The following DIAPH3 variants were observed in gnomAD, a reference collection of about 807,000 sequenced individuals.
DIAPH3 encodes the protein protein diaphanous homolog 3.
Under a neutral mutation model 144.3 loss-of-function variants are expected in DIAPH3, and 117 were observed. That is an observed-to-expected ratio of 0.81 (90% CI 0.70 to 0.95). DIAPH3 has a LOEUF of 0.95. Among genes scored for constraint, DIAPH3 ranks in the 40% least tolerant of loss-of-function variants. The pLI is 0.00. For missense variants in DIAPH3, 1,421 were observed against 1,412.7 expected (o/e 1.01, Z -0.09); for synonymous variants, 519 against 488.9 (o/e 1.06, Z -0.81).
intron 27 of DIAPH3, among the ~76,000 whole-genome samples, chr13:59,754,501 A>T (rs1467675151): frequency 6.6e-6 from 1 of 152,170 alleles, no homozygotes; most frequent in African/African-American, 2.4e-5. Context: ...ACCATTTAGC[A>T]GTAACCAACT....
In DIAPH3 at chr13:60,032,761, C is replaced by T. The variant is rs548089470; in HGVS notation, c.626+9929G>A. Reference sequence around the variant, plus strand: ...CATCGTCTTAGACATTAACTCTTGGCTCCTTTTTAGTTATGCAAATTTGTC... The same window carrying T: ...CATCGTCTTAGACATTAACTCTTGGTTCCTTTTTAGTTATGCAAATTTGTC... On this transcript the variant is annotated intron_variant, in intron 5 of 27. Transcript: ENST00000400324. 6.6e-5 allele frequency among the ~76,000 whole-genome samples: 10 copies of T among 152,358 alleles called. No homozygotes were observed. The South Asian group carries it at 8.3e-4, about 13-fold the overall frequency.
At chr13:59,803,179 CAG>C (rs1434309628) in intron 25 of DIAPH3, among the ~76,000 whole-genome samples, 1 of 152,118 alleles carries the variant, frequency 6.6e-6, no homozygotes, top group Non-Finnish European at 1.5e-5. Flanking sequence ...ATCAAAGTTA[CAG>C]AGTTTTCCAC....
chr13:60,079,853 C>T (rs2057493786), intron 4 of DIAPH3, among the ~76,000 whole-genome samples: 2 of 151,798 alleles, frequency 1.3e-5, no homozygotes, highest in South Asian at 4.1e-4. Context: ...ATTTAAGAAG[C>T]CTTCAACTGT....
intron 17 of DIAPH3, 69 bp from the exon 18 acceptor site, chr13:59,924,939 C>T: frequency 6.5e-7 from 1 of 1,530,830 alleles, no homozygotes; most frequent in Non-Finnish European, 8.8e-7. Context: ...AAAAAGTGAA[C>T]TTTTTATCAT....
At chr13:60,160,369 C>T (rs182380955) in intron 1 of DIAPH3, among the ~76,000 whole-genome samples, 2 of 152,332 alleles carry the variant, frequency 1.3e-5, no homozygotes, top group East Asian at 3.9e-4. Context: ...AGAGGACTCT[C>T]CTAATTAAAA....
At chr13:59,736,791 A>T (rs1053649670) in intron 27 of DIAPH3, among the ~76,000 whole-genome samples, 2 of 152,194 alleles carry the variant, frequency 1.3e-5, no homozygotes, top group African/African-American at 4.8e-5. Flanking sequence ...AAAACTGCAT[A>T]GTACTGGTAC....
intron 4 of DIAPH3, among the ~76,000 whole-genome samples, chr13:60,043,416 C>T (rs1436202340): frequency 6.6e-6 from 1 of 152,118 alleles, no homozygotes; most frequent in East Asian, 1.9e-4. Flanking sequence ...CAAAACAGGG[C>T]TACATCTTCC....
chr13:60,001,790 T>C (rs1195281027), intron 9 of DIAPH3, among the ~76,000 whole-genome samples: 2 of 152,208 alleles, frequency 1.3e-5, no homozygotes, highest in Non-Finnish European at 2.9e-5. Flanking sequence ...CTTAGGCAAC[T>C]ATGGAGTTCT....
chr13:59,799,161 T>C (rs2039764009), intron 25 of DIAPH3, among the ~76,000 whole-genome samples: 1 of 151,980 alleles, frequency 6.6e-6, no homozygotes, highest in Admixed American at 6.5e-5. Flanking sequence ...GGCAAACCAG[T>C]GATCACCTTT....
chr13:60,105,116 A>C (rs1040516825), intron 3 of DIAPH3, among the ~76,000 whole-genome samples: 1 of 150,834 alleles, frequency 6.6e-6, no homozygotes, highest in Non-Finnish European at 1.5e-5. Context: ...AAAAAAAAAA[A>C]AAAAAAAAAC....
At chr13:60,094,989 T>C (rs1203463896) in intron 3 of DIAPH3, among the ~76,000 whole-genome samples, 1 of 152,176 alleles carries the variant, frequency 6.6e-6, no homozygotes, top group Non-Finnish European at 1.5e-5. Context: ...TAGGCCTTAA[T>C]ATGACATAGG....
In DIAPH3 at chr13:59,841,808, T is replaced by C. The variant is rs551917005; in HGVS notation, c.2738-2360A>G. 3.9e-5 allele frequency among the ~76,000 whole-genome samples: 6 copies of C among 152,310 alleles called. No individual in the cohort carries two copies. In the East Asian group the frequency reaches 1.2e-3, roughly 29 times the overall value. On this transcript the variant is annotated intron_variant, in intron 22 of 27. Transcript: ENST00000400324. ...GTCAGGTACCGTCTTAAGTGTTTTC[T>C]ATTAATTAACTCATGCAATCCTCAC...
intron 9 of DIAPH3, among the ~76,000 whole-genome samples, chr13:59,994,927 C>T (rs1018540072): frequency 6.6e-6 from 1 of 151,604 alleles, no homozygotes; most frequent in African/African-American, 2.4e-5. Context: ...ATAACAGAGG[C>T]AATAGATTCA....
At chr13:59,772,728 A>G (rs909512298) in intron 27 of DIAPH3, among the ~76,000 whole-genome samples, 2 of 152,048 alleles carry the variant, frequency 1.3e-5, no homozygotes, top group South Asian at 2.1e-4. Context: ...GTAGGATGGT[A>G]TATGCATATC....
At chr13:59,894,693 G>T (rs1303218213) in intron 20 of DIAPH3, among the ~76,000 whole-genome samples, 1 of 151,316 alleles carries the variant, frequency 6.6e-6, no homozygotes, top group Non-Finnish European at 1.5e-5. Context: ...TTAAAAATAT[G>T]AAATGTTTTT....
At chr13:60,062,862 TG>T (rs2056824938) in intron 4 of DIAPH3, among the ~76,000 whole-genome samples, 1 of 152,208 alleles carries the variant, frequency 6.6e-6, no homozygotes, top group Admixed American at 6.5e-5. Flanking sequence ...AACGATCATC[TG>T]AGCCTTCAGC....
At chr13:59,943,401 AACACAGAC>A (rs1566551013) in intron 17 of DIAPH3, among the ~76,000 whole-genome samples, 1 of 152,212 alleles carries the variant, frequency 6.6e-6, no homozygotes, top group Non-Finnish European at 1.5e-5. Flanking sequence ...GGGAAGGACG[AACACAGAC>A]ACACAGGACC....
At chr13:59,909,270 T>C (rs1294725572) in intron 20 of DIAPH3, among the ~76,000 whole-genome samples, 2 of 151,976 alleles carry the variant, frequency 1.3e-5, no homozygotes, top group African/African-American at 4.8e-5. Context: ...TTAGCAAAGG[T>C]TTTTAATCTA....
intron 25 of DIAPH3, among the ~76,000 whole-genome samples, chr13:59,779,469 G>A (rs2038613662): frequency 6.6e-6 from 1 of 151,638 alleles, no homozygotes; most frequent in Admixed American, 6.6e-5. Flanking sequence ...ATTATTAAAT[G>A]TTTCAAGCAC....
Sources: allele counts gnomAD v4.1 joint callset (sites outside exome capture counted in the v4.1 genomes callset), GRCh38; gene constraint gnomAD v4.1.1; transcripts MANE v1.5; gene names NCBI Gene and HGNC (gene_info 2026-07-23, HGNC 2026-07-21).